Variants in CHN1 observed in about 807,000 individuals in gnomAD.
CHN1 encodes chimerin 1, also known as N-chimaerin.
A neutral mutation model predicts 59.5 loss-of-function variants in CHN1; 37 were observed. The observed-to-expected ratio is 0.62, with a 90% confidence interval of 0.48 to 0.82. The LOEUF is 0.82. CHN1 is among the 40% of genes least tolerant of loss of function. CHN1 has a pLI of 0.00. For missense variants in CHN1, 469 were observed against 571.0 expected, an observed-to-expected ratio of 0.82 and a Z score of 1.82; for synonymous variants, 206 against 200.4, an observed-to-expected ratio of 1.03 and a Z score of -0.24.
rs1320226999 is a variant in CHN1 at position 175,005,290 on chromosome 2, G to GAGC, written c.-381_-379dup. On this transcript the variant is annotated 5_prime_UTR_variant, in exon 1 of 13. Transcript: ENST00000409900. The stretch of plus-strand genomic sequence containing the variant: ...GCGGCGGCGGCGGCGGCGACGGGGA[G>GAGC]AGCAGCAGCAGCCTCGCACAGCCCC... 1.7e-6 allele frequency: 2 copies of GAGC among 1,198,142 alleles called. No homozygotes were observed. Among genetic ancestry groups the GAGC allele is most frequent in the Non-Finnish European group, 2.1e-6 (2 of 951,260 alleles). The allele number at this position is 1,198,142 out of a possible 1,614,324, so 74.2% of individuals were successfully genotyped here. A position where few individuals can be genotyped will look rare whatever the true frequency, so the allele number is the denominator to read the frequency against.
intron 5 of CHN1, among the ~76,000 whole-genome samples, chr2:174,897,252 G>A (rs1043921856): frequency 2.0e-5 from 3 of 152,112 alleles, no homozygotes; most frequent in African/African-American, 7.2e-5. Flanking sequence ...TACACTTACT[G>A]AATTTTTATT....
At chr2:174,883,422 G>A (rs1029528275) in intron 5 of CHN1, among the ~76,000 whole-genome samples, 1 of 152,084 alleles carries the variant, frequency 6.6e-6, no homozygotes, top group Non-Finnish European at 1.5e-5. Flanking sequence ...TGAGGCTATC[G>A]GAAGGCTTGT....
At chr2:174,877,697 T>A in intron 6 of CHN1, 143 bp downstream of exon 6, 1 of 591,752 alleles carries the variant, frequency 1.7e-6, no homozygotes, top group Non-Finnish European at 2.7e-6. Flanking sequence ...TATGCAAAGC[T>A]CAGCATCACA....
chr2:174,961,557 C>T (rs1259988752), intron 1 of CHN1, among the ~76,000 whole-genome samples: 1 of 151,380 alleles, frequency 6.6e-6, no homozygotes, highest in Non-Finnish European at 1.5e-5. Context: ...CGCCATTGCA[C>T]TCCAGCCTGG....
At chr2:174,889,740 G>A (rs1687993337) in intron 5 of CHN1, among the ~76,000 whole-genome samples, 1 of 152,068 alleles carries the variant, frequency 6.6e-6, no homozygotes, top group Admixed American at 6.5e-5. Context: ...ATACTACAAA[G>A]TGTATCAATA....
chr2:174,967,455 AAAAT>A (rs1380768664), intron 1 of CHN1, among the ~76,000 whole-genome samples: 1 of 152,240 alleles, frequency 6.6e-6, no homozygotes, highest in African/African-American at 2.4e-5. Context: ...TTACTACAAC[AAAAT>A]AATATGCTTG....
intron 2 of CHN1, among the ~76,000 whole-genome samples, chr2:174,948,868 A>G (rs904421084): frequency 1.3e-5 from 2 of 152,212 alleles, no homozygotes; most frequent in Non-Finnish European, 2.9e-5. Context: ...AACTAAATTT[A>G]AGTCACATCA....
chr2:174,974,748 A>G (rs190008475), intron 1 of CHN1, among the ~76,000 whole-genome samples: 4 of 152,318 alleles, frequency 2.6e-5, no homozygotes, highest in Admixed American at 1.3e-4. Flanking sequence ...ACTTTTGTTC[A>G]TATCATTAAT....
chr2:174,816,424 G>A (rs1486782922), intron 8 of CHN1, among the ~76,000 whole-genome samples: 1 of 152,234 alleles, frequency 6.6e-6, no homozygotes, highest in Non-Finnish European at 1.5e-5. Context: ...TGTAGCAGAA[G>A]GGTCTCTGTT....
In CHN1 at chr2:174,828,757, C is replaced by T. The variant is rs568634697; in HGVS notation, c.628-4239G>A. ...CTAAGGAAGAACTAGGTGGGATATG[C>T]GGGAAAGGAGGCCTGGAAGGGTTCA... On this transcript the variant is annotated intron_variant, in intron 7 of 12. Coordinates refer to ENST00000409900, the MANE Select transcript of CHN1 (RefSeq NM_001822.7). 1.8e-4 allele frequency among the ~76,000 whole-genome samples: 27 copies of T among 152,076 alleles called. No individual in the cohort carries two copies. The South Asian group carries it at 2.3e-3, about 13-fold the overall frequency.
intron 8 of CHN1, among the ~76,000 whole-genome samples, chr2:174,818,769 A>G (rs1685370392): frequency 6.6e-6 from 1 of 152,150 alleles, no homozygotes; most frequent in African/African-American, 2.4e-5. Context: ...AAATATTTCT[A>G]TTACTTAGAC....
intron 7 of CHN1, among the ~76,000 whole-genome samples, chr2:174,839,569 CCTTTA>C (rs202103029): frequency 1.6e-3 from 240 of 151,984 alleles, no homozygotes; most frequent in African/African-American, 5.5e-3. Flanking sequence ...CAACACGATG[CCTTTA>C]CTTAACAATA....
At chr2:174,857,698 A>C (rs1686947943) in intron 6 of CHN1, among the ~76,000 whole-genome samples, 1 of 152,116 alleles carries the variant, frequency 6.6e-6, no homozygotes, top group Non-Finnish European at 1.5e-5. Flanking sequence ...AACCCCCATG[A>C]ATCTGAGGGG....
At chr2:174,815,441 T>C (rs150147867) in intron 8 of CHN1, among the ~76,000 whole-genome samples, 39 of 152,344 alleles carry the variant, frequency 2.6e-4, no homozygotes, top group Non-Finnish European at 4.3e-4. Context: ...TAATTTCTAC[T>C]TATCTTCACT....
At chr2:174,972,709 T>C (rs912060451) in intron 1 of CHN1, among the ~76,000 whole-genome samples, 2 of 152,152 alleles carry the variant, frequency 1.3e-5, no homozygotes, top group African/African-American at 4.8e-5. Context: ...AGGGTGGCCA[T>C]AAAGTCAGGT....
Position 174,800,086 on chromosome 2 carries a change from A to G in CHN1, c.*30T>C. 2 of 1,518,786 alleles carry G rather than the reference A, an allele frequency of 1.3e-6. No individual in the cohort carries two copies. Among genetic ancestry groups the G allele is most frequent in the Non-Finnish European group, 1.8e-6 (2 of 1,128,368 alleles). The allele number at this position is 1,518,786 out of a possible 1,614,324, so 94.1% of individuals were successfully genotyped here. A position where few individuals can be genotyped will look rare whatever the true frequency, so the allele number is the denominator to read the frequency against. On this transcript the variant is annotated 3_prime_UTR_variant, in exon 13 of 13. Transcript: ENST00000409900. ...ACTATAAAACATTCCTTCATCTGTA[A>G]AACATTTCTTTTCCCCTCAAATTAA...
At chr2:174,847,313 CA>C (rs1686554655) in intron 6 of CHN1, 1 of 1,319,912 alleles carries the variant, frequency 7.6e-7, no homozygotes, top group African/African-American at 1.5e-5. Context: ...GTCGACTAAC[CA>C]GCAAATTCTT....
rs1000449288 is a variant in CHN1, at chr2:174,861,149, G to A, written c.550-14192C>T. On this transcript the variant is annotated intron_variant, in intron 6 of 12. Transcript: ENST00000409900. ...AAAAGAATCTTAGCTCCATTTACTA[G>A]TTATGGGATCTTAGATAAGTCTCAG... Among the ~76,000 whole-genome samples the A allele has an allele frequency of 3.3e-5, 5 of 152,174 alleles. No individual in the cohort carries two copies. The South Asian group carries it at 6.2e-4, about 19-fold the overall frequency.
At chr2:174,919,542 CAAAAT>C (rs1183375037) in intron 3 of CHN1, among the ~76,000 whole-genome samples, 1 of 152,152 alleles carries the variant, frequency 6.6e-6, no homozygotes, top group African/African-American at 2.4e-5. Flanking sequence ...ACTGAATCCT[CAAAAT>C]AAAATAGGAA....
Sources: allele counts gnomAD v4.1 joint callset (sites outside exome capture counted in the v4.1 genomes callset), GRCh38; gene constraint gnomAD v4.1.1; transcripts MANE v1.5; gene names NCBI Gene and HGNC (gene_info 2026-07-23, HGNC 2026-07-21).